MAP3K3: variants seen among roughly 807,000 people sequenced by gnomAD.
The protein encoded by MAP3K3 is mitogen-activated protein kinase kinase kinase 3.
In MAP3K3, 12 loss-of-function variants were observed where a neutral mutation model predicts 80.9. The observed-to-expected ratio is 0.15, with a 90% CI of 0.10 to 0.24. The LOEUF (loss-of-function observed/expected upper bound fraction) is 0.24, where lower values mean the gene tolerates loss of function less well. MAP3K3 is among the 10% of genes least tolerant of loss of function. MAP3K3 has a pLI of 1.00. For missense variants in MAP3K3, 596 were observed against 834.7 expected (o/e 0.71, Z 3.52); for synonymous variants, 272 against 307.1 (o/e 0.89, Z 1.19).
chr17:63,657,517 G>C (rs1215850952), intron 4 of MAP3K3, among the ~76,000 whole-genome samples: 1 of 152,106 alleles, frequency 6.6e-6, no homozygotes, highest in Non-Finnish European at 1.5e-5. Context: ...CTATAAATGG[G>C]CACAAGAGAT....
At chr17:63,629,871 T>G (rs574855177) in intron 1 of MAP3K3, among the ~76,000 whole-genome samples, 1 of 152,356 alleles carries the variant, frequency 6.6e-6, no homozygotes, top group East Asian at 1.9e-4. Flanking sequence ...AAACAGAATT[T>G]GTCAACCTGA....
intron 2 of MAP3K3, chr17:63,634,774 A>G: frequency 6.2e-7 from 1 of 1,614,052 alleles, no homozygotes; most frequent in Non-Finnish European, 8.5e-7. Context: ...GCTCATGTGC[A>G]GGGGCCAGTG....
chr17:63,647,112 A>G (rs2143301223), intron 3 of MAP3K3, among the ~76,000 whole-genome samples: 1 of 152,294 alleles, frequency 6.6e-6, no homozygotes, highest in Non-Finnish European at 1.5e-5. Context: ...CTGGCTCCAG[A>G]GGAGACCTGT....
intron 1 of MAP3K3, among the ~76,000 whole-genome samples, chr17:63,628,008 C>T (rs1318704312): frequency 6.6e-6 from 1 of 151,838 alleles, no homozygotes; most frequent in Non-Finnish European, 1.5e-5. Flanking sequence ...CAGGTTCAAG[C>T]TATTCCCATG....
At chr17:63,628,378 G>A (rs969367257) in intron 1 of MAP3K3, among the ~76,000 whole-genome samples, 1 of 57,734 alleles carries the variant, frequency 1.7e-5, no homozygotes, top group African/African-American at 7.2e-5. Flanking sequence ...TTTTTTTTTT[G>A]AGACGGAGTT....
Position 63,689,934 on chromosome 17 carries a change from T to C in MAP3K3, c.1063+199T>C, listed in dbSNP as rs1293220355. ...CAAGCCTCTTCTCCTCTCTGATCTTTAGTTTTTCCATGTTTAAACTAGGGA... is the reference window on the plus strand; with the variant it reads ...CAAGCCTCTTCTCCTCTCTGATCTTCAGTTTTTCCATGTTTAAACTAGGGA... On this transcript the variant is annotated intron_variant, in intron 11 of 15. Transcript: ENST00000361733. This position sits in a 1 kb window ranked among gnomAD's most constrained non-coding sequence, Gnocchi z 4.3. 1.7e-6 allele frequency: 1 copy of C among 597,510 alleles called. No individual in the cohort carries two copies. Among genetic ancestry groups the C allele is most frequent in the Non-Finnish European group, 2.9e-6 (1 of 343,834 alleles). 37.0% of individuals were successfully genotyped at this position (597,510 alleles called of 1,614,324 possible).
intron 5 of MAP3K3, among the ~76,000 whole-genome samples, chr17:63,665,379 A>T (rs113247774): frequency 6.6e-6 from 1 of 151,922 alleles, no homozygotes; most frequent in South Asian, 2.1e-4. Context: ...GCTAGCCAGG[A>T]TGGTCTTGAT....
chr17:63,665,675 G>A (rs1353566512), intron 5 of MAP3K3, among the ~76,000 whole-genome samples: 1 of 152,128 alleles, frequency 6.6e-6, no homozygotes, highest in Non-Finnish European at 1.5e-5. Context: ...ATGTGGCTTT[G>A]ACTGTTGTTT....
chr17:63,628,640 G>T (rs928922656), intron 1 of MAP3K3, among the ~76,000 whole-genome samples: 1 of 152,176 alleles, frequency 6.6e-6, no homozygotes, highest in Admixed American at 6.5e-5. Flanking sequence ...GATTACAGGC[G>T]TGAGCCCCTG....
chr17:63,638,399 G>C lies in MAP3K3; in HGVS notation c.126+5597G>C, dbSNP rs1415024771. Among the ~76,000 whole-genome samples the C allele has an allele frequency of 5.3e-5, 8 of 152,268 alleles. No homozygotes were observed. The East Asian group carries it at 1.3e-3, about 26-fold the overall frequency. On this transcript the variant is annotated intron_variant, in intron 2 of 15. Transcript: ENST00000361733. ...CTGAGGCCTTTTTCAGGTCAAGTTA[G>C]TTCATAAACCTTTGGTTAATAAATC...
At chr17:63,628,204 C>T (rs960509009) in intron 1 of MAP3K3, among the ~76,000 whole-genome samples, 5 of 152,100 alleles carry the variant, frequency 3.3e-5, no homozygotes, top group Admixed American at 2.0e-4. Flanking sequence ...CCACGCCCAG[C>T]CAGCTTGCTT....
Position 63,695,361 on chromosome 17 carries a change from C to G in MAP3K3, c.*1584C>G, listed in dbSNP as rs138443735. 7.3e-4 allele frequency: 112 copies of G among 152,790 alleles called. No homozygotes were observed. Among genetic ancestry groups the G allele is most frequent in the Non-Finnish European group, 1.2e-3 (81 of 68,050 alleles). The allele number at this position is 152,790 out of a possible 1,614,324, so 9.5% of individuals were successfully genotyped here. On this transcript the variant is annotated 3_prime_UTR_variant, in exon 16 of 16. Coordinates refer to ENST00000361733, the MANE Select transcript of MAP3K3 (RefSeq NM_002401.5). The surrounding 1 kb of genome is among the most constrained non-coding windows in gnomAD (Gnocchi z 4.1). Reference sequence around the variant, plus strand: ...TATATATATCAATTCTAGACTGTTACAGGTGACGGACGCCTCAAGAGAGAG... The same window carrying G: ...TATATATATCAATTCTAGACTGTTAGAGGTGACGGACGCCTCAAGAGAGAG...
rs758322494 is a variant in MAP3K3, at chr17:63,657,789, C to G, written c.268-5C>G. 4.3e-6 allele frequency: 6 copies of G among 1,383,188 alleles called. No individual in the cohort carries two copies. The South Asian group carries it at 7.2e-5, about 17-fold the overall frequency. 85.7% of individuals were successfully genotyped at this position (1,383,188 alleles called of 1,614,324 possible). On this transcript the variant is annotated splice_polypyrimidine_tract_variant and splice_region_variant and intron_variant, in intron 4 of 15. Coordinates refer to ENST00000361733, the MANE Select transcript of MAP3K3 (RefSeq NM_002401.5). The stretch of plus-strand genomic sequence containing the variant: ...TATTTTCCTTTTCTATGTCTTGTAT[C>G]ACAGCTCTCCATCCTGCTGAAAAAC...
At chr17:63,678,668 CA>C (rs1326284044) in intron 6 of MAP3K3, among the ~76,000 whole-genome samples, 2 of 152,202 alleles carry the variant, frequency 1.3e-5, no homozygotes, top group Non-Finnish European at 2.9e-5. Context: ...GGTGAATTCT[CA>C]AAATGTATTC....
chr17:63,662,244 GAAAAAAA>G (rs35789105), intron 5 of MAP3K3, among the ~76,000 whole-genome samples: 1 of 81,166 alleles, frequency 1.2e-5, no homozygotes, highest in South Asian at 4.4e-4. Context: ...TGTCTCTATT[GAAAAAAA>G]AAAAAAAAAA....
At chr17:63,650,533 C>T (rs916652582) in intron 3 of MAP3K3, among the ~76,000 whole-genome samples, 1 of 151,946 alleles carries the variant, frequency 6.6e-6, no homozygotes, top group Admixed American at 6.6e-5. Context: ...GAACTCCGGA[C>T]CTCAGGTGAT....
intron 8 of MAP3K3, 37 bp downstream of exon 8, chr17:63,685,627 G>C: frequency 6.4e-7 from 1 of 1,570,428 alleles, no homozygotes; most frequent in Non-Finnish European, 8.8e-7. Flanking sequence ...GTAATGCATA[G>C]GCATTTTTGG....
intron 6 of MAP3K3, among the ~76,000 whole-genome samples, chr17:63,667,426 A>G (rs1203293239): frequency 1.3e-5 from 2 of 152,194 alleles, no homozygotes; most frequent in Non-Finnish European, 2.9e-5. Flanking sequence ...CTAAGTTTGA[A>G]TTTTGACCTT....
chr17:63,634,807 G>T (rs893573877), intron 2 of MAP3K3: 8 of 1,611,438 alleles, frequency 5.0e-6, no homozygotes, highest in Middle Eastern at 1.6e-4. Flanking sequence ...TTTTGGTAAG[G>T]ATCCAGATTA....
Sources: allele counts gnomAD v4.1 joint callset (sites outside exome capture counted in the v4.1 genomes callset), GRCh38; gene constraint gnomAD v4.1.1; non-coding constraint Gnocchi (gnomAD v3.1); transcripts MANE v1.5; gene names NCBI Gene and HGNC (gene_info 2026-07-23, HGNC 2026-07-21).